CTNNBL1: variants seen among roughly 807,000 people sequenced by gnomAD.
The protein encoded by CTNNBL1 is beta-catenin-like protein 1.
CTNNBL1 carries 31 observed loss-of-function variants against 72.7 expected under a neutral mutation model. The ratio of observed to expected loss-of-function variants is 0.43; its 90% CI spans 0.32 to 0.58. The LOEUF (loss-of-function observed/expected upper bound fraction) is 0.58, where lower values mean the gene tolerates loss of function less well. Ranked by LOEUF, CTNNBL1 falls within the 20% of genes least tolerant of loss-of-function variation. The probability of loss-of-function intolerance (pLI) is 0.08; values close to 1 mark genes in which losing one functional copy is unlikely to be tolerated. For missense variants in CTNNBL1, 534 were observed against 725.1 expected (o/e 0.74, Z 3.03); for synonymous variants, 240 against 267.3 (o/e 0.90, Z 1.00).
intron 10 of CTNNBL1, among the ~76,000 whole-genome samples, chr20:37,792,749 C>T (rs940072894): frequency 6.6e-6 from 1 of 152,134 alleles, no homozygotes; most frequent in Non-Finnish European, 1.5e-5. Context: ...AAGGGATACC[C>T]CTAAGGGATA....
Position 37,717,740 on chromosome 20 carries a change from C to G in CTNNBL1, c.31-15139C>G, listed in dbSNP as rs1474903738. 2.6e-5 allele frequency among the ~76,000 whole-genome samples: 4 copies of G among 152,078 alleles called. No homozygotes were observed. The East Asian group carries it at 7.7e-4, about 29-fold the overall frequency. On this transcript the variant is annotated intron_variant, in intron 1 of 15. Coordinates refer to ENST00000361383, the MANE Select transcript of CTNNBL1 (RefSeq NM_030877.5). ...GACAAAGGTCTCTGGTTTTCCTAGG[C>G]AGAGGACCCTGCGGCCTTCCGTAGT... is the stretch of plus-strand genomic sequence containing the variant.
At chr20:37,802,334 G>A (rs905673663) in intron 10 of CTNNBL1, among the ~76,000 whole-genome samples, 2 of 152,220 alleles carry the variant, frequency 1.3e-5, no homozygotes. Flanking sequence ...ATCAGTGGTT[G>A]CTTAGGGCCA....
At position 37,825,103 on chromosome 20, in the gene CTNNBL1, A is replaced by G. The variant is rs550126603; in HGVS notation, c.1214-14999A>G. 6.6e-5 allele frequency among the ~76,000 whole-genome samples: 10 copies of G among 152,350 alleles called. No homozygotes were observed. The South Asian group carries it at 2.1e-3, about 32-fold the overall frequency. Reference sequence around the variant, plus strand: ...CGTGGTGGCTCATGCCTATAATCCCAGCACTTTTAGAGACCAAGGCGGGCA... The same window carrying G: ...CGTGGTGGCTCATGCCTATAATCCCGGCACTTTTAGAGACCAAGGCGGGCA... On this transcript the variant is annotated intron_variant, in intron 11 of 15. Coordinates refer to ENST00000361383, the MANE Select transcript of CTNNBL1 (RefSeq NM_030877.5).
intron 11 of CTNNBL1, among the ~76,000 whole-genome samples, chr20:37,809,741 A>T (rs975050734): frequency 6.6e-6 from 1 of 152,198 alleles, no homozygotes; most frequent in African/African-American, 2.4e-5. Context: ...TTCAAATTAT[A>T]GAAGTTATTA....
At chr20:37,854,867 G>A (rs975862477) in intron 13 of CTNNBL1, among the ~76,000 whole-genome samples, 13 of 151,936 alleles carry the variant, frequency 8.6e-5, no homozygotes, top group Non-Finnish European at 1.3e-4. Context: ...AGGATTACAC[G>A]TGTGAGCCAC....
chr20:37,847,004 C>T (rs73111415), intron 13 of CTNNBL1, among the ~76,000 whole-genome samples: 1 of 152,158 alleles, frequency 6.6e-6, no homozygotes, highest in Non-Finnish European at 1.5e-5. Flanking sequence ...AAATGAAAGA[C>T]CACTGCTCAT....
chr20:37,807,381 G>C (rs1015708089), intron 11 of CTNNBL1, among the ~76,000 whole-genome samples: 1 of 152,176 alleles, frequency 6.6e-6, no homozygotes. Context: ...CAGAGAAAAT[G>C]CCCACACCTC....
At chr20:37,756,525 CTT>C (rs1316596979) in intron 4 of CTNNBL1, 2 of 151,312 alleles carry the variant, frequency 1.3e-5, no homozygotes, top group African/African-American at 4.9e-5. Flanking sequence ...GGAAAGGAAA[CTT>C]ATAAGTTTAG....
At chr20:37,854,006 G>A (rs2072418085) in intron 13 of CTNNBL1, among the ~76,000 whole-genome samples, 1 of 152,210 alleles carries the variant, frequency 6.6e-6, no homozygotes, top group South Asian at 2.1e-4. Context: ...GTTCAATGCA[G>A]CAATGATGAT....
At chr20:37,745,380 A>G (rs1600459044) in intron 3 of CTNNBL1, among the ~76,000 whole-genome samples, 2 of 152,208 alleles carry the variant, frequency 1.3e-5, no homozygotes, top group Admixed American at 1.3e-4. Context: ...ACAAAGATAC[A>G]TTTCCTGTCT....
chr20:37,794,064 C>G (rs536553480), intron 10 of CTNNBL1, among the ~76,000 whole-genome samples: 1 of 152,136 alleles, frequency 6.6e-6, no homozygotes, highest in Admixed American at 6.5e-5. Flanking sequence ...TAGGCATGAG[C>G]CACCGCACCC....
At chr20:37,722,260 G>A (rs1422927233) in intron 1 of CTNNBL1, among the ~76,000 whole-genome samples, 2 of 152,126 alleles carry the variant, frequency 1.3e-5, no homozygotes, top group East Asian at 1.9e-4. Flanking sequence ...GATCATTTGA[G>A]GTCAGGAGTT....
intron 1 of CTNNBL1, among the ~76,000 whole-genome samples, 161 bp downstream of exon 1, chr20:37,694,313 G>A (rs2072769753): frequency 6.6e-6 from 1 of 152,186 alleles, no homozygotes; most frequent in Non-Finnish European, 1.5e-5. Context: ...GCTCTCCGAA[G>A]CCCTCCTGGG....
chr20:37,779,713 T>C (rs1459858061), intron 10 of CTNNBL1, among the ~76,000 whole-genome samples: 4 of 152,276 alleles, frequency 2.6e-5, no homozygotes, highest in Middle Eastern at 3.4e-3. Context: ...CTATGCCATA[T>C]GTTTGTATTT....
In CTNNBL1 at chr20:37,743,010, G is replaced by A. The variant is rs2122616832; in HGVS notation, c.327-3458G>A. Among the ~76,000 whole-genome samples the A allele has an allele frequency of 2.0e-5, 3 of 152,094 alleles. No homozygotes were observed. The Middle Eastern group carries it at 0.01, about 521-fold the overall frequency. ...GTAGAGACGGGGTTTCACTCTGTTG[G>A]CCAGGCAGGTCTCAAACTCCCGACC... On this transcript the variant is annotated intron_variant, in intron 3 of 15. Coordinates refer to ENST00000361383, the MANE Select transcript of CTNNBL1 (RefSeq NM_030877.5).
At chr20:37,829,480 G>C (rs1172421638) in intron 11 of CTNNBL1, among the ~76,000 whole-genome samples, 1 of 152,186 alleles carries the variant, frequency 6.6e-6, no homozygotes, top group Non-Finnish European at 1.5e-5. Flanking sequence ...CCAGGCCATT[G>C]GGATGATGGT....
At chr20:37,831,291 C>T (rs1311476547) in intron 11 of CTNNBL1, among the ~76,000 whole-genome samples, 5 of 152,164 alleles carry the variant, frequency 3.3e-5, no homozygotes, top group Admixed American at 2.6e-4. Flanking sequence ...TTCACATATG[C>T]GCTGAGTATT....
intron 1 of CTNNBL1, among the ~76,000 whole-genome samples, chr20:37,713,754 A>G (rs2072960558): frequency 6.6e-6 from 1 of 152,224 alleles, no homozygotes. Flanking sequence ...ATAGAGGAGC[A>G]TGGAAATTTT....
At chr20:37,714,319 G>C (rs1287216365) in intron 1 of CTNNBL1, among the ~76,000 whole-genome samples, 2 of 152,198 alleles carry the variant, frequency 1.3e-5, no homozygotes, top group African/African-American at 4.8e-5. Context: ...AATGAATGAA[G>C]CAGTGAATCA....
Sources: allele counts gnomAD v4.1 joint callset (sites outside exome capture counted in the v4.1 genomes callset), GRCh38; gene constraint gnomAD v4.1.1; transcripts MANE v1.5; gene names NCBI Gene and HGNC (gene_info 2026-07-23, HGNC 2026-07-21).